The following WDR7 variants were observed in gnomAD, a reference collection of about 807,000 sequenced individuals.
The protein encoded by WDR7 is WD repeat-containing protein 7.
In WDR7, 46 loss-of-function variants were observed where a neutral mutation model predicts 169.4. That is an observed-to-expected ratio of 0.27 (90% CI 0.21 to 0.35). The LOEUF (loss-of-function observed/expected upper bound fraction) is 0.35, where lower values mean the gene tolerates loss of function less well. WDR7 is among the 10% of genes least tolerant of loss of function. WDR7 has a pLI of 1.00. For synonymous variants in WDR7, 612 were observed against 666.8 expected (o/e 0.92, Z 1.27); for missense variants, 1,534 against 1,859.3 (o/e 0.83, Z 3.22).
intron 16 of WDR7, among the ~76,000 whole-genome samples, chr18:56,773,411 T>G (rs1239745862): frequency 1.3e-5 from 2 of 152,080 alleles, no homozygotes; most frequent in East Asian, 3.9e-4. Flanking sequence ...GATAGTTAAA[T>G]GTATTGGTAT....
intron 20 of WDR7, among the ~76,000 whole-genome samples, chr18:56,849,224 G>T (rs942559998): frequency 2.6e-5 from 4 of 151,922 alleles, no homozygotes; most frequent in Non-Finnish European, 5.9e-5. Flanking sequence ...CCCTTATCAG[G>T]ATCACTAGTG....
intron 27 of WDR7, among the ~76,000 whole-genome samples, chr18:57,025,228 A>G (rs2048351015): frequency 6.6e-6 from 1 of 152,350 alleles, no homozygotes; most frequent in African/African-American, 2.4e-5. Context: ...TTCATAGAAA[A>G]TCCATAAAGA....
chr18:56,810,174 A>G (rs971780937), intron 19 of WDR7, among the ~76,000 whole-genome samples: 2 of 152,180 alleles, frequency 1.3e-5, no homozygotes, highest in East Asian at 3.8e-4. Context: ...ATAGTCTTCT[A>G]CCATAACTAT....
At chr18:56,877,654 T>C (rs2046043539) in intron 20 of WDR7, among the ~76,000 whole-genome samples, 1 of 152,222 alleles carries the variant, frequency 6.6e-6, no homozygotes, top group African/African-American at 2.4e-5. Flanking sequence ...GTTGGTGTTA[T>C]CTATCTGTCA....
chr18:56,758,555 T>C (rs1240041113), intron 15 of WDR7, among the ~76,000 whole-genome samples: 1 of 152,200 alleles, frequency 6.6e-6, no homozygotes, highest in Non-Finnish European at 1.5e-5. Context: ...TGCTGTGGAG[T>C]AGACTGAAAT....
intron 1 of WDR7, 143 bp from the exon 2 acceptor site, chr18:56,672,354 T>G (rs1431746639): frequency 3.2e-6 from 2 of 623,022 alleles, no homozygotes; most frequent in Non-Finnish European, 4.7e-6. Flanking sequence ...CGTTTTTTTT[T>G]GAAAATAATA....
At position 56,923,907 on chromosome 18, in the gene WDR7, A is replaced by G. The variant is rs772280416; in HGVS notation, c.3527-15A>G. The G allele has an allele frequency of 6.6e-6, 10 of 1,521,446 alleles. No homozygotes were observed. The highest frequency in any genetic ancestry group is 2.4e-5 in the Admixed American group (1 of 41,072). 94.2% of individuals were successfully genotyped at this position (1,521,446 alleles called of 1,614,324 possible). ...AAATTCCCCTTTTGCTCTGCATTTT[A>G]TTCTATAATTTCAGGCAAGGCACTG... On this transcript the variant is annotated splice_polypyrimidine_tract_variant and intron_variant, in intron 21 of 27. Coordinates refer to ENST00000254442, the MANE Select transcript of WDR7 (RefSeq NM_015285.3).
At chr18:56,803,055 C>G (rs2044705867) in intron 19 of WDR7, among the ~76,000 whole-genome samples, 1 of 151,994 alleles carries the variant, frequency 6.6e-6, no homozygotes, top group African/African-American at 2.4e-5. Flanking sequence ...CTTAATGTAT[C>G]TTATTAGTTT....
intron 26 of WDR7, among the ~76,000 whole-genome samples, chr18:57,007,222 A>T (rs1599240740): frequency 6.6e-6 from 1 of 152,048 alleles, no homozygotes; most frequent in Non-Finnish European, 1.5e-5. Flanking sequence ...CTCGTGATCC[A>T]CCCGCCTTGG....
chr18:56,801,640 C>T (rs1054818946), intron 19 of WDR7, among the ~76,000 whole-genome samples: 3 of 152,186 alleles, frequency 2.0e-5, no homozygotes, highest in African/African-American at 7.2e-5. Context: ...CTGGCAATCA[C>T]TCATCTGTTT....
the WDR7 span, chr18:57,035,064 GT>G: frequency 6.6e-6 from 1 of 152,416 alleles, no homozygotes; most frequent in Admixed American, 6.5e-5. Context: ...GCTCCTCCCT[GT>G]TCAAAGCCGG....
At chr18:56,900,847 G>A (rs1246062341) in intron 21 of WDR7, among the ~76,000 whole-genome samples, 2 of 152,116 alleles carry the variant, frequency 1.3e-5, no homozygotes, top group East Asian at 3.9e-4. Flanking sequence ...CTTGGGGAGG[G>A]AAGTGTTTTT....
chr18:56,992,754 T>A (rs1246354526), intron 26 of WDR7, among the ~76,000 whole-genome samples: 3 of 152,220 alleles, frequency 2.0e-5, no homozygotes, highest in African/African-American at 7.2e-5. Flanking sequence ...GTCCTGTGAC[T>A]TCTCTAAGCC....
At chr18:56,726,058 C>A (rs1350793776) in intron 13 of WDR7, among the ~76,000 whole-genome samples, 4 of 152,110 alleles carry the variant, frequency 2.6e-5, no homozygotes, top group African/African-American at 7.2e-5. Context: ...GTTACTGTAG[C>A]CTTGTAGTAT....
At chr18:57,007,950 A>G (rs1293658050) in intron 26 of WDR7, among the ~76,000 whole-genome samples, 2 of 152,050 alleles carry the variant, frequency 1.3e-5, no homozygotes, top group African/African-American at 4.8e-5. Flanking sequence ...TATTCCTTCC[A>G]CATCTCTCTA....
chr18:56,754,554 G>GCGTGTA (rs1365179133), intron 14 of WDR7, among the ~76,000 whole-genome samples: 2 of 152,034 alleles, frequency 1.3e-5, no homozygotes, highest in East Asian at 3.9e-4. Context: ...GCACGCGTGT[G>GCGTGTA]CGTGTACGTG....
chr18:56,789,626 A>G (rs2044454630), intron 19 of WDR7, among the ~76,000 whole-genome samples: 1 of 152,212 alleles, frequency 6.6e-6, no homozygotes, highest in South Asian at 2.1e-4. Context: ...TCTCTCTCTC[A>G]TCCCACTTAG....
At position 56,938,555 on chromosome 18, in the gene WDR7, C is replaced by T. The variant is rs1272964166; in HGVS notation, c.3854C>T (p.Ala1285Val). The T allele has an allele frequency of 1.2e-6, 2 of 1,613,830 alleles. No homozygotes were observed. The highest frequency in any genetic ancestry group is 1.7e-6 in the Non-Finnish European group (2 of 1,179,854). ...TAGGTACACAGACATACGGCTCTTG[C>T]AGCAAATACCCAATCACAGCAGAAT... ...AKEVHRHTAL[A>V]ANTQSQQNMH... Residue 1285 changes from alanine (A) to valine (V), a missense_variant, in exon 24 of 28, where the codon GCA becomes GTA. Ala to Val is a moderately conservative substitution (Grantham distance 64, BLOSUM62 0). Transcript: ENST00000254442.
chr18:56,758,916 A>G lies in WDR7; in HGVS notation c.2811A>G (p.Pro937=). 2 of 1,613,338 alleles carry G rather than the reference A, an allele frequency of 1.2e-6. No homozygotes were observed. Among genetic ancestry groups the G allele is most frequent in the Non-Finnish European group, 1.7e-6 (2 of 1,179,526 alleles). ...TTTCTAAGGCAAGGGGTTCCCCTCC[A>G]ACTTCCAGTAATATTGTGCAAGGAC... ...PDLSKARGSP[P]TSSNIVQGQI... Residue 937 remains proline (P), a synonymous_variant, in exon 16 of 28, where the codon CCA becomes CCG. Coordinates refer to ENST00000254442, the MANE Select transcript of WDR7 (RefSeq NM_015285.3).
Sources: allele counts gnomAD v4.1 joint callset (sites outside exome capture counted in the v4.1 genomes callset), GRCh38; gene constraint gnomAD v4.1.1; transcripts MANE v1.5; gene names NCBI Gene and HGNC (gene_info 2026-07-23, HGNC 2026-07-21).